Variants in NRG3 observed in about 807,000 individuals in gnomAD.
NRG3 encodes the protein neuregulin 3.
NRG3 carries 31 observed loss-of-function variants against 66.9 expected under a neutral mutation model. The ratio of observed to expected loss-of-function variants is 0.46; its 90% CI spans 0.35 to 0.63. The LOEUF (loss-of-function observed/expected upper bound fraction) is 0.63, where lower values mean the gene tolerates loss of function less well. NRG3 is among the 20% of genes least tolerant of loss of function. The pLI is 0.00. For synonymous variants in NRG3, 393 were observed against 359.4 expected, an observed-to-expected ratio of 1.09 and a Z score of -1.06; for missense variants, 910 against 878.9, an observed-to-expected ratio of 1.04 and a Z score of -0.45.
chr10:82,176,846 A>G (rs2073066793), intron 1 of NRG3, among the ~76,000 whole-genome samples: 1 of 150,260 alleles, frequency 6.7e-6, no homozygotes, highest in Non-Finnish European at 1.5e-5. Context: ...AGATGCATGG[A>G]TTTGACAACA....
At chr10:82,661,670 A>T (rs556523413) in intron 2 of NRG3, among the ~76,000 whole-genome samples, 18 of 152,166 alleles carry the variant, frequency 1.2e-4, no homozygotes, top group Non-Finnish European at 1.2e-4. Flanking sequence ...ATCAATGATG[A>T]TAAGTCTGTA....
chr10:82,480,450 G>GA lies in NRG3; in HGVS notation c.953+121589dup, dbSNP rs201534138. ...CCTAAGTAAAATAATTGGTGCTTAT[G>GA]AAAAAAAGAAACATTATTTGTGCTT... On this transcript the variant is annotated intron_variant, in intron 2 of 8. Coordinates refer to ENST00000372141, the MANE Select transcript of NRG3 (RefSeq NM_001010848.4). Among the ~76,000 whole-genome samples, 665 of 152,212 alleles carry GA rather than the reference G, an allele frequency of 4.4e-3. 5 individuals are homozygous for GA. The highest frequency in any genetic ancestry group is 0.015 in the African/African-American group (642 of 41,550).
Position 82,580,918 on chromosome 10 carries a change from TGTGTGTGTGTG to T in NRG3, c.954-157658_954-157648del, listed in dbSNP as rs202132066. Among the ~76,000 whole-genome samples, 3 of 151,704 alleles carry T rather than the reference TGTGTGTGTGTG, an allele frequency of 2.0e-5. No homozygotes were observed. The East Asian group carries it at 5.8e-4, about 29-fold the overall frequency. On this transcript the variant is annotated intron_variant, in intron 2 of 8. Transcript: ENST00000372141. The stretch of plus-strand genomic sequence containing the variant: ...TTGTAAGTTTGTGTGTGTGTGTGTG[TGTGTGTGTGTG>T]TGTGTGTGTACATAACTTTTCAACT...
intron 2 of NRG3, among the ~76,000 whole-genome samples, chr10:82,470,565 G>A (rs1232274130): frequency 6.6e-6 from 1 of 152,204 alleles, no homozygotes; most frequent in Non-Finnish European, 1.5e-5. Flanking sequence ...GTTCGTCAGA[G>A]GCCCATGACT....
At chr10:82,062,358 C>A (rs1345369404) in intron 1 of NRG3, among the ~76,000 whole-genome samples, 1 of 152,108 alleles carries the variant, frequency 6.6e-6, no homozygotes, top group African/African-American at 2.4e-5. Flanking sequence ...GTAATCCCAG[C>A]AGTTTGGGAG....
chr10:82,618,930 ATT>A (rs5786555), intron 2 of NRG3, among the ~76,000 whole-genome samples: 11 of 148,724 alleles, frequency 7.4e-5, no homozygotes, highest in South Asian at 4.2e-4. Flanking sequence ...AATAGGAGTG[ATT>A]TTTTTTTTTA....
At chr10:82,468,132 A>G (rs755970437) in intron 2 of NRG3, among the ~76,000 whole-genome samples, 1 of 152,192 alleles carries the variant, frequency 6.6e-6, no homozygotes. Context: ...ATAATGTTTA[A>G]GTGATTCTGC....
In NRG3 at chr10:82,273,032, C is replaced by T. The variant is rs1052943977; in HGVS notation, c.824-85707C>T. ...TTTCGTCTCTTGTCCCCCACACTTT[C>T]AAGTTGGGGTTGTCTTTTAACTTCA... On this transcript the variant is annotated intron_variant, in intron 1 of 8. Coordinates refer to ENST00000372141, the MANE Select transcript of NRG3 (RefSeq NM_001010848.4). Among the ~76,000 whole-genome samples the T allele has an allele frequency of 2.0e-5, 3 of 152,098 alleles. No individual in the cohort carries two copies. In the South Asian group the frequency reaches 6.2e-4, roughly 31 times the overall value.
chr10:82,170,676 A>T (rs1401460367), intron 1 of NRG3, among the ~76,000 whole-genome samples: 1 of 112,788 alleles, frequency 8.9e-6, no homozygotes, highest in African/African-American at 3.9e-5. Context: ...ATATATATAT[A>T]TATATATATA....
intron 1 of NRG3, among the ~76,000 whole-genome samples, chr10:82,003,731 G>T (rs1422376959): frequency 6.6e-6 from 1 of 152,134 alleles, no homozygotes; most frequent in Non-Finnish European, 1.5e-5. Flanking sequence ...AGCCAAAGTG[G>T]GAGTGATCTG....
At chr10:82,683,622 A>G (rs141375119) in intron 2 of NRG3, among the ~76,000 whole-genome samples, 39 of 152,338 alleles carry the variant, frequency 2.6e-4, no homozygotes, top group African/African-American at 8.9e-4. Context: ...AAGTTCCAAG[A>G]ATTGAAAAAC....
At chr10:82,053,130 ATTAT>A (rs760258375) in intron 1 of NRG3, among the ~76,000 whole-genome samples, 39 of 141,958 alleles carry the variant, frequency 2.7e-4, no homozygotes, top group Non-Finnish European at 5.6e-4. Context: ...ATTTCATTTG[ATTAT>A]TTTTTTTTTT....
At chr10:82,248,082 T>A (rs1209741774) in intron 1 of NRG3, among the ~76,000 whole-genome samples, 1 of 152,202 alleles carries the variant, frequency 6.6e-6, no homozygotes, top group Non-Finnish European at 1.5e-5. Flanking sequence ...TCTTTCTTAT[T>A]ACTCATCCAC....
intron 2 of NRG3, among the ~76,000 whole-genome samples, chr10:82,513,310 T>C (rs1468015589): frequency 6.6e-6 from 1 of 152,244 alleles, no homozygotes; most frequent in African/African-American, 2.4e-5. Flanking sequence ...GGCTGCATAG[T>C]ATTTCAAGGT....
chr10:81,993,320 T>TA (rs1345559860), intron 1 of NRG3, among the ~76,000 whole-genome samples: 1 of 152,160 alleles, frequency 6.6e-6, no homozygotes, highest in Non-Finnish European at 1.5e-5. Flanking sequence ...CAGCTTAGTT[T>TA]AAAGTAGCTG....
At chr10:82,065,278 G>T (rs2064390061) in intron 1 of NRG3, among the ~76,000 whole-genome samples, 1 of 152,064 alleles carries the variant, frequency 6.6e-6, no homozygotes, top group Non-Finnish European at 1.5e-5. Context: ...AAAACACATA[G>T]ACAATTGCAG....
chr10:82,285,913 T>G (rs1387851507), intron 1 of NRG3, among the ~76,000 whole-genome samples: 1 of 152,224 alleles, frequency 6.6e-6, no homozygotes, highest in African/African-American at 2.4e-5. Context: ...AGGGGCATAC[T>G]GCTCTTGTTA....
chr10:81,967,384 G>T, intron 1 of NRG3, among the ~76,000 whole-genome samples: 1 of 150,894 alleles, frequency 6.6e-6, no homozygotes, highest in African/African-American at 2.4e-5. Context: ...TTTCATAATT[G>T]TGAATGGGAC....
intron 1 of NRG3, among the ~76,000 whole-genome samples, chr10:82,085,103 A>G (rs1437310261): frequency 6.6e-6 from 1 of 152,158 alleles, no homozygotes; most frequent in Non-Finnish European, 1.5e-5. Flanking sequence ...AGGGGCCTCT[A>G]GTGGCCAAAA....
Sources: gnomAD v4.1 joint callset for allele counts (sites outside exome capture counted in the v4.1 genomes callset) on GRCh38, gnomAD v4.1.1 for gene constraint, MANE v1.5 for transcripts, NCBI Gene and HGNC (gene_info 2026-07-23, HGNC 2026-07-21) for gene names.